The following PLEKHG1 variants were observed in gnomAD, a reference collection of about 807,000 sequenced individuals.
PLEKHG1 encodes pleckstrin homology domain-containing family G member 1.
PLEKHG1 carries 44 observed loss-of-function variants against 100.8 expected under a neutral mutation model. The ratio of observed to expected loss-of-function variants is 0.44; its 90% CI spans 0.34 to 0.56. The LOEUF is 0.56. Ranked by LOEUF, PLEKHG1 falls within the 20% of genes least tolerant of loss-of-function variation. PLEKHG1 has a pLI of 0.01. For missense variants in PLEKHG1, 1,545 were observed against 1,720.9 expected, an observed-to-expected ratio of 0.90 and a Z score of 1.81; for synonymous variants, 640 against 662.5, an observed-to-expected ratio of 0.97 and a Z score of 0.52.
intron 3 of PLEKHG1, among the ~76,000 whole-genome samples, chr6:150,778,137 C>CT (rs1316830725): frequency 1.3e-5 from 2 of 152,174 alleles, no homozygotes; most frequent in African/African-American, 4.8e-5. Context: ...CAATTCCATT[C>CT]TTTTTTTTGA....
At chr6:150,745,237 C>A (rs78432160) in intron 2 of PLEKHG1, among the ~76,000 whole-genome samples, 3,913 of 152,284 alleles carry the variant, frequency 0.026, 57 homozygotes, top group South Asian at 0.056. Flanking sequence ...AACTAAAACA[C>A]AATGGCATTT....
At chr6:150,749,212 G>T (rs1207221144) in intron 2 of PLEKHG1, among the ~76,000 whole-genome samples, 1 of 152,102 alleles carries the variant, frequency 6.6e-6, no homozygotes, top group Admixed American at 6.5e-5. Flanking sequence ...TGCCTCCTAC[G>T]TGCCAGTTAA....
At chr6:150,752,027 A>G (rs1018104801) in intron 2 of PLEKHG1, among the ~76,000 whole-genome samples, 1 of 152,062 alleles carries the variant, frequency 6.6e-6, no homozygotes, top group Non-Finnish European at 1.5e-5. Context: ...TGTCTCTACT[A>G]AAAATACAGA....
chr6:150,662,618 GT>G (rs1160047875), intron 3 of PLEKHG1: 1 of 152,150 alleles, frequency 6.6e-6, no homozygotes, highest in African/African-American at 2.4e-5. Flanking sequence ...GTTTCGTCAT[GT>G]TGGCCAGGCT....
chr6:150,839,395 C>A (rs1195174058), intron 15 of PLEKHG1, among the ~76,000 whole-genome samples: 1 of 152,150 alleles, frequency 6.6e-6, no homozygotes, highest in South Asian at 2.1e-4. Flanking sequence ...GAATTACAGG[C>A]GTGAGCTATT....
At chr6:150,702,557 G>GGTGT (rs56768740) in intron 3 of PLEKHG1, among the ~76,000 whole-genome samples, 8,821 of 142,464 alleles carry the variant, frequency 0.062, 333 homozygotes, top group African/African-American at 0.1. Flanking sequence ...TTTGTTTTGG[G>GGTGT]GTGTGTGTGT....
intron 6 of PLEKHG1, among the ~76,000 whole-genome samples, chr6:150,801,758 C>A (rs2128663927): frequency 6.6e-6 from 1 of 151,958 alleles, no homozygotes; most frequent in East Asian, 1.9e-4. Flanking sequence ...TTATTTCTTA[C>A]CCTCCAAAAA....
chr6:150,733,956 G>A, exon 2 of PLEKHG1: 1 of 1,614,212 alleles, frequency 6.2e-7, no homozygotes, highest in Non-Finnish European at 8.5e-7. Flanking sequence ...GCGCAGTGGA[G>A]AGTGGACTCA....
At chr6:150,697,582 G>A (rs1487140505) in intron 3 of PLEKHG1, among the ~76,000 whole-genome samples, 1 of 152,164 alleles carries the variant, frequency 6.6e-6, no homozygotes. Flanking sequence ...TGGGAGGGGA[G>A]CCCAAACCAG....
At position 150,777,533 on chromosome 6, in the gene PLEKHG1, C is replaced by T. The variant is rs61595418; in HGVS notation, c.512+8795C>T. On this transcript the variant is annotated intron_variant, in intron 3 of 15. Transcript: ENST00000358517. Reference sequence around the variant, plus strand: ...CTGATGCAATCCTGGTGCACATGTGCGGTTGCACATTACTCACACTGATGC... The same window carrying T: ...CTGATGCAATCCTGGTGCACATGTGTGGTTGCACATTACTCACACTGATGC... Among the ~76,000 whole-genome samples the T allele has an allele frequency of 6.2e-3, 865 of 139,446 alleles. 6 individuals carry two copies. Among genetic ancestry groups the T allele is most frequent in the African/African-American group, 0.022 (826 of 37,072 alleles). 91.5% of individuals were successfully genotyped at this position (139,446 alleles called of 152,430 possible).
chr6:150,681,437 A>G (rs144486290), intron 3 of PLEKHG1, among the ~76,000 whole-genome samples: 1 of 151,742 alleles, frequency 6.6e-6, no homozygotes, highest in African/African-American at 2.4e-5. Flanking sequence ...ACTTGAACCC[A>G]GGAGGCAGAG....
chr6:150,738,887 G>A (rs548323962), intron 2 of PLEKHG1, among the ~76,000 whole-genome samples: 1 of 152,292 alleles, frequency 6.6e-6, no homozygotes, highest in Non-Finnish European at 1.5e-5. Context: ...TGATAAATAT[G>A]AAAGCAAGTT....
At chr6:150,679,449 A>G (rs1446558364) in intron 3 of PLEKHG1, among the ~76,000 whole-genome samples, 1 of 152,260 alleles carries the variant, frequency 6.6e-6, no homozygotes, top group Non-Finnish European at 1.5e-5. Flanking sequence ...TGAAGAATCC[A>G]TAAAATAAAG....
chr6:150,798,192 G>A (rs1786468054), intron 5 of PLEKHG1, among the ~76,000 whole-genome samples: 1 of 152,026 alleles, frequency 6.6e-6, no homozygotes, highest in Non-Finnish European at 1.5e-5. Context: ...CTAATTCAGA[G>A]AAATCACAGA....
At chr6:150,618,272 G>A (rs559281797) in intron 1 of PLEKHG1, among the ~76,000 whole-genome samples, 2 of 152,304 alleles carry the variant, frequency 1.3e-5, no homozygotes, top group South Asian at 2.1e-4. Flanking sequence ...CCAGTGACAC[G>A]AGTGACTCCT....
chr6:150,645,377 AT>A (rs1422612026), intron 2 of PLEKHG1, among the ~76,000 whole-genome samples: 1 of 152,198 alleles, frequency 6.6e-6, no homozygotes, highest in African/African-American at 2.4e-5. Flanking sequence ...ATATAAGAAT[AT>A]TTTCATGTCC....
intron 1 of PLEKHG1, among the ~76,000 whole-genome samples, chr6:150,619,875 G>A (rs573011288): frequency 2.6e-5 from 4 of 152,312 alleles, no homozygotes; most frequent in East Asian, 1.9e-4. Flanking sequence ...TGGCTGAGAT[G>A]ACAGGTCTTT....
At chr6:150,690,330 C>A (rs546012131) in intron 3 of PLEKHG1, among the ~76,000 whole-genome samples, 1 of 151,820 alleles carries the variant, frequency 6.6e-6, no homozygotes. Context: ...GCATACACTG[C>A]ACCACATCTT....
At chr6:150,644,334 G>GGTTTTTTTTTTTTTTTTTTTTTTT (rs1554255840) in intron 2 of PLEKHG1, among the ~76,000 whole-genome samples, 3 of 117,622 alleles carry the variant, frequency 2.6e-5, no homozygotes, top group African/African-American at 7.0e-5. Flanking sequence ...TTCTTTTCGT[G>GGTTTTTTTTTTTTTTTTTTTTTTT]TTTTTTTTTT....
Sources: gnomAD v4.1 joint callset for allele counts (sites outside exome capture counted in the v4.1 genomes callset) on GRCh38, gnomAD v4.1.1 for gene constraint, MANE v1.5 for transcripts, NCBI Gene and HGNC (gene_info 2026-07-23, HGNC 2026-07-21) for gene names.